Variants in SYNE3 observed in about 807,000 individuals in gnomAD.
SYNE3 encodes spectrin repeat containing nuclear envelope family member 3.
Under a neutral mutation model 111.2 loss-of-function variants are expected in SYNE3, and 100 were observed. The observed-to-expected ratio is 0.90, with a 90% confidence interval of 0.77 to 1.06. SYNE3 has a LOEUF of 1.06. Ranked by LOEUF, SYNE3 falls within the 50% of genes least tolerant of loss-of-function variation. The pLI, the probability that SYNE3 is intolerant of heterozygous loss-of-function variation, is 0.00. For synonymous variants in SYNE3, 547 were observed against 533.9 expected (o/e 1.02, Z -0.34); for missense variants, 1,160 against 1,240.3 (o/e 0.94, Z 0.97).
At chr14:95,423,119 G>A (rs919657675) in intron 17 of SYNE3, among the ~76,000 whole-genome samples, 1 of 152,226 alleles carries the variant, frequency 6.6e-6, no homozygotes, top group South Asian at 2.1e-4. Context: ...TCCTCACTGG[G>A]GTGGCTCTGC....
At chr14:95,452,200 G>T (rs1366044419) in intron 7 of SYNE3, 47 bp downstream of exon 7, 4 of 1,484,114 alleles carry the variant, frequency 2.7e-6, no homozygotes, top group Non-Finnish European at 3.6e-6. Context: ...GGGAAATGTG[G>T]GTTCCAGCAC....
Position 95,452,382 on chromosome 14 carries a change from G to A in SYNE3, c.1139C>T (p.Ala380Val). The A allele has an allele frequency of 6.2e-7, 1 of 1,607,820 alleles. No individual in the cohort carries two copies. Among genetic ancestry groups the A allele is most frequent in the Non-Finnish European group, 8.5e-7 (1 of 1,177,746 alleles). ...CTCCGAGGCCAGCGCCGCCCGTGTT[G>A]CCTGCAGCACATGACGACACCGCAG... ...ELVAHWRRYS[A>V]TRAALASEEP... Residue 380 changes from alanine to valine, a missense_variant and splice_region_variant, in exon 7 of 18, where the codon GCA (alanine) becomes GTA (valine). Transcript: ENST00000682763.
Position 95,414,087 on chromosome 14 carries a change from C to A in SYNE3, c.*3739G>T, listed in dbSNP as rs756250459. On this transcript the variant is annotated 3_prime_UTR_variant, in exon 18 of 18. Coordinates refer to ENST00000682763, the MANE Select transcript of SYNE3 (RefSeq NM_152592.6). ...TGCTCCGCTCTGGCCATGTCCCAGG[C>A]GAGCTGATGGGCAGAGAGTTCTGCC... 1 of 152,220 alleles carries A rather than the reference C, an allele frequency of 6.6e-6. No homozygotes were observed. Among genetic ancestry groups the A allele is most frequent in the Non-Finnish European group, 1.5e-5 (1 of 68,060 alleles). The allele number at this position is 152,220 out of a possible 1,614,324, so 9.4% of individuals were successfully genotyped here. A position where few individuals can be genotyped will look rare whatever the true frequency, so the allele number is the denominator to read the frequency against.
rs1903533590 is a variant in SYNE3, at chr14:95,414,996, A to G, written c.*2830T>C. On this transcript the variant is annotated 3_prime_UTR_variant, in exon 18 of 18. Transcript: ENST00000682763. ...GCATCATTATCAAAATTTAAAAAAT[A>G]TAGGTAGATATTCCCACCCCCGCCC... The G allele has an allele frequency of 6.6e-6, 1 of 152,316 alleles. No individual in the cohort carries two copies. The highest frequency in any genetic ancestry group is 2.4e-5 in the African/African-American group (1 of 41,578). 9.4% of individuals were successfully genotyped at this position (152,316 alleles called of 1,614,324 possible).
chr14:95,475,096 G>A (rs986416473), intron 2 of SYNE3, among the ~76,000 whole-genome samples: 6 of 152,204 alleles, frequency 3.9e-5, no homozygotes, highest in African/African-American at 1.4e-4. Flanking sequence ...GGCCACGGGC[G>A]ACCCACCCTC....
intron 17 of SYNE3, among the ~76,000 whole-genome samples, chr14:95,428,792 C>A (rs1023389417): frequency 6.6e-6 from 1 of 152,194 alleles, no homozygotes; most frequent in African/African-American, 2.4e-5. Flanking sequence ...TAGGCAGCTG[C>A]AAATTTAATA....
chr14:95,427,087 A>G (rs1885474028), intron 17 of SYNE3, among the ~76,000 whole-genome samples: 1 of 152,170 alleles, frequency 6.6e-6, no homozygotes, highest in Non-Finnish European at 1.5e-5. Context: ...ATAAGCTAGG[A>G]AAAACCAGGC....
At chr14:95,495,356 T>C (rs1340932042) in intron 1 of SYNE3, among the ~76,000 whole-genome samples, 1 of 152,252 alleles carries the variant, frequency 6.6e-6, no homozygotes, top group Non-Finnish European at 1.5e-5. Flanking sequence ...GCTGCTACCC[T>C]GTCTCCTGCT....
rs143960634 is a variant in SYNE3 at position 95,458,759 on chromosome 14, G to C, written c.628-1421C>G. Reference sequence around the variant, plus strand: ...TTTCATCTCCCAGGGTCTAGCTCAGGGCACGCCCTGTGAACGCTTCCTGAA... The same window carrying C: ...TTTCATCTCCCAGGGTCTAGCTCAGCGCACGCCCTGTGAACGCTTCCTGAA... On this transcript the variant is annotated intron_variant, in intron 4 of 17. Coordinates refer to ENST00000682763, the MANE Select transcript of SYNE3 (RefSeq NM_152592.6). 8.6e-4 allele frequency among the ~76,000 whole-genome samples: 131 copies of C among 152,280 alleles called. 1 individual carries two copies. The East Asian group carries it at 0.024, about 28-fold the overall frequency.
chr14:95,457,662 C>T (rs561978044), intron 4 of SYNE3, among the ~76,000 whole-genome samples: 21 of 152,288 alleles, frequency 1.4e-4, no homozygotes, highest in Middle Eastern at 6.8e-3. Flanking sequence ...AACATTAGCA[C>T]GACTACTACT....
chr14:95,482,123 C>T (rs17092517), intron 1 of SYNE3, among the ~76,000 whole-genome samples: 50,378 of 152,156 alleles, frequency 0.33, 9,046 homozygotes, highest in African/African-American at 0.46. Context: ...CCCTCCAACA[C>T]CCTAACAGCA....
chr14:95,417,673 T>C lies in SYNE3; in HGVS notation c.*153A>G. On this transcript the variant is annotated 3_prime_UTR_variant, in exon 18 of 18. Transcript: ENST00000682763. ...AAGACAACACTGTATAAAAAGTAAG[T>C]GTCTTCTGGGAACGCTGACACAGCA... 2 of 755,760 alleles carry C rather than the reference T, an allele frequency of 2.6e-6. No individual in the cohort carries two copies. Among genetic ancestry groups the C allele is most frequent in the Non-Finnish European group, 4.6e-6 (2 of 432,314 alleles). The allele number at this position is 755,760 out of a possible 1,614,324, so 46.8% of individuals were successfully genotyped here.
chr14:95,499,526 G>A (rs1231592823), intron 1 of SYNE3, among the ~76,000 whole-genome samples: 1 of 152,098 alleles, frequency 6.6e-6, no homozygotes, highest in Non-Finnish European at 1.5e-5. Context: ...CCTCCAGAAA[G>A]CCTTCCAGGA....
intron 4 of SYNE3, among the ~76,000 whole-genome samples, chr14:95,462,495 C>T (rs1340566077): frequency 6.6e-6 from 1 of 152,248 alleles, no homozygotes; most frequent in East Asian, 1.9e-4. Flanking sequence ...CATCTGGCAA[C>T]TCCAAGGGCT....
chr14:95,426,240 G>A (rs577604472), intron 17 of SYNE3, among the ~76,000 whole-genome samples: 4 of 152,180 alleles, frequency 2.6e-5, no homozygotes, highest in East Asian at 1.9e-4. Context: ...ACGGAGTGGC[G>A]AGGCCGTGGG....
At position 95,466,204 on chromosome 14, in the gene SYNE3, G is replaced by C. The variant is rs1320760483; in HGVS notation, c.354C>G (p.Tyr118Ter). Reference protein sequence around the residue: ...IEWVWLHWSEYLLARDEFYRW... With the variant: ...IEWVWLHWSE The stretch of plus-strand genomic sequence containing the variant: ...GGTAGAACTCATCTCGGGCCAGCAG[G>C]TACTCGCTCCAGTGCAGCCACACCC... Residue 118 changes from tyrosine to a stop codon, truncating the protein, a stop_gained, in exon 4 of 18, where the codon TAC becomes TAG. Transcript: ENST00000682763. LOFTEE classifies it high-confidence loss of function. 2 of 1,589,150 alleles carry C rather than the reference G, an allele frequency of 1.3e-6. No individual in the cohort carries two copies. The highest frequency in any genetic ancestry group is 2.3e-5 in the East Asian group (1 of 44,180).
At position 95,412,732 on chromosome 14, in the gene SYNE3, T is replaced by A. The variant is rs1327163591; in HGVS notation, c.*5094A>T. 6.6e-6 allele frequency: 1 copy of A among 152,236 alleles called. No homozygotes were observed. The highest frequency in any genetic ancestry group is 2.4e-5 in the African/African-American group (1 of 41,448). The allele number at this position is 152,236 out of a possible 1,614,324, so 9.4% of individuals were successfully genotyped here. On this transcript the variant is annotated 3_prime_UTR_variant, in exon 18 of 18. Transcript: ENST00000682763. Reference sequence around the variant, plus strand: ...CCTCGGGGACTCCTGCACTAAGCAATCCTCAAGCTGCTCTCTTCTCCCAAC... The same window carrying A: ...CCTCGGGGACTCCTGCACTAAGCAAACCTCAAGCTGCTCTCTTCTCCCAAC...
intron 8 of SYNE3, chr14:95,449,594 G>T (rs891545838): frequency 9.1e-6 from 9 of 985,478 alleles, no homozygotes; most frequent in Non-Finnish European, 1.1e-5. Flanking sequence ...CGCAGGTCAG[G>T]TCAGGTTTCT....
At chr14:95,425,249 AAAAAAAGAAAAG>A (rs1885367368) in intron 17 of SYNE3, among the ~76,000 whole-genome samples, 1 of 152,144 alleles carries the variant, frequency 6.6e-6, no homozygotes, top group South Asian at 2.1e-4. Context: ...CCATCAAAAA[AAAAAAAGAAAAG>A]AAAAAGAAAA....
Sources: allele counts gnomAD v4.1 joint callset (sites outside exome capture counted in the v4.1 genomes callset), GRCh38; gene constraint gnomAD v4.1.1; transcripts MANE v1.5; gene names NCBI Gene and HGNC (gene_info 2026-07-23, HGNC 2026-07-21).